AKAP12: variants seen among roughly 807,000 people sequenced by gnomAD.
The protein encoded by AKAP12 is A-kinase anchor protein 12.
In AKAP12, 32 loss-of-function variants were observed where a neutral mutation model predicts 79.9. The observed-to-expected ratio is 0.40, with a 90% confidence interval of 0.30 to 0.54. The LOEUF is 0.54. Ranked by LOEUF, AKAP12 falls within the 20% of genes least tolerant of loss-of-function variation. AKAP12 has a pLI of 0.48. For missense variants in AKAP12, 2,074 were observed against 2,177.0 expected (o/e 0.95, Z 0.94); for synonymous variants, 808 against 857.0 (o/e 0.94, Z 1.00).
At chr6:151,259,964 G>A (rs149625863) in intron 2 of AKAP12, among the ~76,000 whole-genome samples, 6 of 151,844 alleles carry the variant, frequency 4.0e-5, no homozygotes, top group African/African-American at 1.2e-4. Context: ...GATTGGATGA[G>A]CCAATTTGGG....
intron 2 of AKAP12, among the ~76,000 whole-genome samples, chr6:151,295,124 G>A (rs1177682256): frequency 3.3e-5 from 5 of 152,130 alleles, no homozygotes; most frequent in African/African-American, 7.2e-5. Context: ...GATAAATGCC[G>A]ATCTTTGAGA....
chr6:151,274,912 C>T (rs960168723), intron 2 of AKAP12, among the ~76,000 whole-genome samples: 4 of 152,022 alleles, frequency 2.6e-5, no homozygotes, highest in African/African-American at 7.2e-5. Flanking sequence ...AGACCAGCCT[C>T]GGCAACATGG....
chr6:151,312,793 C>CAAAAAAAAAAAAAAAAAAAAAAAAAA (rs55685824), intron 3 of AKAP12, among the ~76,000 whole-genome samples: 4 of 72,992 alleles, frequency 5.5e-5, no homozygotes, highest in Admixed American at 1.8e-4. Flanking sequence ...ACTCTGTCTC[C>CAAAAAAAAAAAAAAAAAAAAAAAAAA]AAAAAAAAAA....
At chr6:151,310,520 T>C (rs1582872646) in intron 3 of AKAP12, among the ~76,000 whole-genome samples, 1 of 152,078 alleles carries the variant, frequency 6.6e-6, no homozygotes, top group Non-Finnish European at 1.5e-5. Context: ...GAGGCTGGGG[T>C]CCAGGATTTT....
At chr6:151,292,181 T>C (rs1776636846) in intron 2 of AKAP12, among the ~76,000 whole-genome samples, 1 of 152,258 alleles carries the variant, frequency 6.6e-6, no homozygotes, top group South Asian at 2.1e-4. Context: ...ATAATCACTG[T>C]TGATTCTTGG....
In AKAP12 at chr6:151,321,048, G is replaced by A. The variant is rs895133174; in HGVS notation, c.319+15145G>A. On this transcript the variant is annotated intron_variant, in intron 3 of 4. Coordinates refer to ENST00000402676, the MANE Select transcript of AKAP12 (RefSeq NM_005100.4). ...GTTGCCCAGGCTGGAGTGCAATGAC[G>A]CGATCTCAGCTCACTGCAACCTTCA... 6.0e-5 allele frequency among the ~76,000 whole-genome samples: 9 copies of A among 151,118 alleles called. No individual in the cohort carries two copies. In the East Asian group the frequency reaches 7.7e-4, roughly 13 times the overall value.
chr6:151,305,600 A>G lies in AKAP12; in HGVS notation c.163-147A>G, dbSNP rs1199176753. On this transcript the variant is annotated intron_variant, in intron 2 of 4. Coordinates refer to ENST00000402676, the MANE Select transcript of AKAP12 (RefSeq NM_005100.4). ...TAAGGTAGCTGGATCTTTCAGACAA[A>G]TATAAGACTTAACTCTTCATTGTTT... 3.8e-6 allele frequency: 3 copies of G among 785,814 alleles called. No individual in the cohort carries two copies. The African/African-American group carries it at 5.3e-5, about 14-fold the overall frequency. The allele number at this position is 785,814 out of a possible 1,614,324, so 48.7% of individuals were successfully genotyped here.
intron 2 of AKAP12, among the ~76,000 whole-genome samples, chr6:151,279,841 G>A (rs1036069298): frequency 6.6e-6 from 1 of 151,538 alleles, no homozygotes; most frequent in Non-Finnish European, 1.5e-5. Flanking sequence ...AGTGAGACCT[G>A]GTCTCTTTAA....
At chr6:151,251,084 G>T (rs1475357300) in intron 2 of AKAP12, among the ~76,000 whole-genome samples, 1 of 152,136 alleles carries the variant, frequency 6.6e-6, no homozygotes, top group Admixed American at 6.6e-5. Flanking sequence ...ATTGCCATTA[G>T]TACTACTGTA....
At chr6:151,302,777 A>T (rs980725814) in intron 2 of AKAP12, among the ~76,000 whole-genome samples, 1 of 152,176 alleles carries the variant, frequency 6.6e-6, no homozygotes, top group Non-Finnish European at 1.5e-5. Context: ...TCTAGGTTTA[A>T]GATTCACTGG....
In AKAP12 at chr6:151,357,364, A is replaced by G. The variant is rs6908517; in HGVS notation, c.*1650A>G. 0.55 allele frequency: 83,071 copies of G among 151,902 alleles called. 24,780 individuals are homozygous for G. Among genetic ancestry groups the G allele is most frequent in the Non-Finnish European group, 0.68 (45,951 of 67,976 alleles). The allele number at this position is 151,902 out of a possible 1,614,324, so 9.4% of individuals were successfully genotyped here. A position where few individuals can be genotyped will look rare whatever the true frequency, so the allele number is the denominator to read the frequency against. The stretch of plus-strand genomic sequence containing the variant: ...ACACGAAGAATAGTGTCACTTATCT[A>G]CTCTTGACACACAGAACTGGCCTGG... On this transcript the variant is annotated 3_prime_UTR_variant, in exon 5 of 5. Coordinates refer to ENST00000402676, the MANE Select transcript of AKAP12 (RefSeq NM_005100.4).
Position 151,332,033 on chromosome 6 carries a change from G to GTTGTTTTTGTTTTTTTTTTTTTTTTTTT in AKAP12, c.320-16676_320-16675insGTTTTTGTTTTTTTTTTTTTTTTTTTTT, listed in dbSNP as rs1303327962. On this transcript the variant is annotated intron_variant, in intron 3 of 4. Coordinates refer to ENST00000402676, the MANE Select transcript of AKAP12 (RefSeq NM_005100.4). ...GAGTAGCACGTCCAGTTCTGGGTCT[G>GTTGTTTTTGTTTTTTTTTTTTTTTTTTT]TTTTTTTTTTTTTTTTTTTTTGAGA... Among the ~76,000 whole-genome samples, 2 of 79,690 alleles carry GTTGTTTTTGTTTTTTTTTTTTTTTTTTT rather than the reference G, an allele frequency of 2.5e-5. 1 individual carries two copies. The highest frequency in any genetic ancestry group is 1.1e-4 in the African/African-American group (2 of 18,412). 52.3% of individuals were successfully genotyped at this position (79,690 alleles called of 152,430 possible).
At chr6:151,292,167 T>C (rs1389266210) in intron 2 of AKAP12, among the ~76,000 whole-genome samples, 2 of 152,234 alleles carry the variant, frequency 1.3e-5, no homozygotes, top group Non-Finnish European at 2.9e-5. Context: ...TTGAACATAA[T>C]AGGATAATCA....
At chr6:151,338,812 T>C (rs1184252049) in intron 3 of AKAP12, among the ~76,000 whole-genome samples, 2 of 152,240 alleles carry the variant, frequency 1.3e-5, no homozygotes, top group Non-Finnish European at 2.9e-5. Context: ...CTCAGGGTAT[T>C]GCACGCGGTG....
intron 2 of AKAP12, among the ~76,000 whole-genome samples, chr6:151,303,353 T>C (rs1438325653): frequency 6.6e-6 from 1 of 152,160 alleles, no homozygotes; most frequent in African/African-American, 2.4e-5. Context: ...TAAGTGGAAA[T>C]GTAATCTGAG....
chr6:151,262,251 G>T (rs1001832430), intron 2 of AKAP12, among the ~76,000 whole-genome samples: 1 of 152,130 alleles, frequency 6.6e-6, no homozygotes, highest in Non-Finnish European at 1.5e-5. Context: ...CACTGCGCCC[G>T]GCCCAAAACA....
At chr6:151,286,548 A>T (rs1776508824) in intron 2 of AKAP12, among the ~76,000 whole-genome samples, 1 of 152,226 alleles carries the variant, frequency 6.6e-6, no homozygotes, top group Non-Finnish European at 1.5e-5. Flanking sequence ...AGTCACTCAC[A>T]TGTGAATATT....
At chr6:151,324,314 C>G (rs1178818449) in intron 3 of AKAP12, 2 of 985,288 alleles carry the variant, frequency 2.0e-6, no homozygotes, top group Admixed American at 6.2e-5. Flanking sequence ...GGAAGCCAGG[C>G]TTTTGGAGAG....
At position 151,349,830 on chromosome 6, in the gene AKAP12, C is replaced by G. The variant is rs1485578183; in HGVS notation, c.1439C>G (p.Ala480Gly). 6.2e-7 allele frequency: 1 copy of G among 1,614,166 alleles called. No individual in the cohort carries two copies. The highest frequency in any genetic ancestry group is 1.1e-5 in the South Asian group (1 of 91,080). Residue 480 changes from alanine (A) to glycine (G), a missense_variant, in exon 4 of 5, where the codon GCT (alanine) becomes GGT (glycine). By Grantham distance (60) the Ala-to-Gly change is moderately conservative. Coordinates refer to ENST00000402676, the MANE Select transcript of AKAP12 (RefSeq NM_005100.4). ...CVSGEDPTQG[A>G]DLSPDEKVLS... Reference sequence around the variant, plus strand: ...TCCGGAGAGGACCCTACACAGGGAGCTGACCTCAGTCCTGATGAGAAGGTG... The same window carrying G: ...TCCGGAGAGGACCCTACACAGGGAGGTGACCTCAGTCCTGATGAGAAGGTG...
Sources: gnomAD v4.1 joint callset for allele counts (sites outside exome capture counted in the v4.1 genomes callset) on GRCh38, gnomAD v4.1.1 for gene constraint, MANE v1.5 for transcripts, NCBI Gene and HGNC (gene_info 2026-07-23, HGNC 2026-07-21) for gene names.